Variants in CNTNAP2 observed in about 807,000 individuals in gnomAD.
The protein encoded by CNTNAP2 is contactin-associated protein-like 2.
CNTNAP2 carries 98 observed loss-of-function variants against 155.2 expected under a neutral mutation model. The ratio of observed to expected loss-of-function variants is 0.63; its 90% CI spans 0.54 to 0.75. The LOEUF is 0.75. CNTNAP2 is among the 30% of genes least tolerant of loss of function. The probability of loss-of-function intolerance (pLI) is 0.00; values close to 1 mark genes in which losing one functional copy is unlikely to be tolerated. For synonymous variants in CNTNAP2, 651 were observed against 631.2 expected (o/e 1.03, Z -0.47); for missense variants, 1,727 against 1,688.1 (o/e 1.02, Z -0.40).
chr7:146,869,393 C>A (rs2129206894), intron 3 of CNTNAP2, among the ~76,000 whole-genome samples: 1 of 152,200 alleles, frequency 6.6e-6, no homozygotes, highest in South Asian at 2.1e-4. Flanking sequence ...GGTAGATTCG[C>A]TTTTTGATGT....
At chr7:148,266,602 GTGTGTGTGTGTGTA>G (rs1347561365) in intron 20 of CNTNAP2, among the ~76,000 whole-genome samples, 8 of 90,894 alleles carry the variant, frequency 8.8e-5, no homozygotes, top group Non-Finnish European at 2.0e-4. Context: ...CAGCATTTGA[GTGTGTGTGTGTGTA>G]TGTGTGTGTG....
intron 13 of CNTNAP2, among the ~76,000 whole-genome samples, chr7:147,872,308 CA>C (rs1799340284): frequency 6.6e-6 from 1 of 152,212 alleles, no homozygotes; most frequent in Non-Finnish European, 1.5e-5. Flanking sequence ...TTGAAGCCCA[CA>C]AGCACCAATT....
At position 147,286,500 on chromosome 7, in the gene CNTNAP2, A is replaced by G. The variant is rs150130522; in HGVS notation, c.1349-13641A>G. 2.3e-3 allele frequency among the ~76,000 whole-genome samples: 357 copies of G among 152,186 alleles called. 4 individuals are homozygous for G. The highest frequency in any genetic ancestry group is 7.9e-3 in the African/African-American group (329 of 41,554). On this transcript the variant is annotated intron_variant, in intron 8 of 23. Transcript: ENST00000361727. ...ATAAATGTTTAAATAGAAAAAACGGAACGTAAGAAAAATAATCTGAAAAGC... is the reference window on the plus strand; with the variant it reads ...ATAAATGTTTAAATAGAAAAAACGGGACGTAAGAAAAATAATCTGAAAAGC...
intron 10 of CNTNAP2, among the ~76,000 whole-genome samples, chr7:147,448,484 G>GTATATATATATATATATATATATA (rs10683190): frequency 6.3e-5 from 9 of 143,414 alleles, no homozygotes; most frequent in African/African-American, 1.8e-4. Flanking sequence ...GTGTGTGTGT[G>GTATATATATATATATATATATATA]TATATATATA....
chr7:147,438,684 A>G (rs887124680), intron 10 of CNTNAP2, among the ~76,000 whole-genome samples: 7 of 151,808 alleles, frequency 4.6e-5, no homozygotes, highest in Admixed American at 1.3e-4. Context: ...TTCATTACAT[A>G]TTTGGTAGAA....
chr7:147,559,651 G>A (rs1800021081), intron 11 of CNTNAP2, among the ~76,000 whole-genome samples: 1 of 152,126 alleles, frequency 6.6e-6, no homozygotes, highest in Non-Finnish European at 1.5e-5. Context: ...GGTTTCAATG[G>A]CAGATTGGAC....
intron 4 of CNTNAP2, among the ~76,000 whole-genome samples, chr7:147,083,494 C>T: frequency 6.8e-6 from 1 of 146,808 alleles, no homozygotes; most frequent in South Asian, 2.1e-4. Flanking sequence ...AAGACTAACT[C>T]GTTTTCAGGT....
chr7:147,176,004 G>T (rs1802330816), intron 8 of CNTNAP2, among the ~76,000 whole-genome samples: 1 of 152,128 alleles, frequency 6.6e-6, no homozygotes, highest in Non-Finnish European at 1.5e-5. Flanking sequence ...AGTAAAGAAG[G>T]ACATTTTGTG....
chr7:146,623,593 C>T (rs1799370333), intron 1 of CNTNAP2, among the ~76,000 whole-genome samples: 1 of 152,084 alleles, frequency 6.6e-6, no homozygotes, highest in African/African-American at 2.4e-5. Context: ...CTTTGCATGG[C>T]TTTTAGCTTA....
intron 10 of CNTNAP2, among the ~76,000 whole-genome samples, chr7:147,407,148 C>G (rs1797018112): frequency 6.6e-6 from 1 of 152,074 alleles, no homozygotes; most frequent in African/African-American, 2.4e-5. Context: ...GAGAAATTTT[C>G]AAGTGGCACT....
At chr7:148,056,193 T>C (rs1803004601) in intron 15 of CNTNAP2, among the ~76,000 whole-genome samples, 1 of 152,180 alleles carries the variant, frequency 6.6e-6, no homozygotes, top group African/African-American at 2.4e-5. Context: ...AATTTAAACA[T>C]TGTGGGCAAT....
chr7:148,164,575 G>A (rs62471732), intron 17 of CNTNAP2, among the ~76,000 whole-genome samples: 16,380 of 145,708 alleles, frequency 0.11, 985 homozygotes, highest in East Asian at 0.25. Context: ...AGATAGCAAC[G>A]ACACCCATCC....
chr7:147,690,347 A>G (rs997613343), intron 13 of CNTNAP2, among the ~76,000 whole-genome samples: 5 of 152,092 alleles, frequency 3.3e-5, no homozygotes, highest in African/African-American at 1.2e-4. Context: ...TTTAAAACCA[A>G]ACAGGTTTCT....
chr7:146,297,412 A>G (rs1022044264), intron 1 of CNTNAP2, among the ~76,000 whole-genome samples: 1 of 152,138 alleles, frequency 6.6e-6, no homozygotes, highest in African/African-American at 2.4e-5. Flanking sequence ...ACAGAAAGAG[A>G]AAAGGAAGAA....
intron 2 of CNTNAP2, among the ~76,000 whole-genome samples, chr7:146,789,950 A>G (rs1324651287): frequency 6.6e-6 from 1 of 151,366 alleles, no homozygotes; most frequent in Admixed American, 6.6e-5. Flanking sequence ...ATCTGGCATC[A>G]ATAATAACAA....
At chr7:147,628,424 A>C in intron 12 of CNTNAP2, among the ~76,000 whole-genome samples, 1 of 152,168 alleles carries the variant, frequency 6.6e-6, no homozygotes, top group East Asian at 1.9e-4. Flanking sequence ...TTTCAGACAA[A>C]CAAATGCTGA....
intron 21 of CNTNAP2, among the ~76,000 whole-genome samples, chr7:148,360,967 C>T (rs1798608743): frequency 6.6e-6 from 1 of 152,042 alleles, no homozygotes; most frequent in Admixed American, 6.5e-5. Context: ...CACCACCATA[C>T]CCAGCTAATT....
chr7:146,210,204 A>T (rs1229679454), intron 1 of CNTNAP2, among the ~76,000 whole-genome samples: 1 of 152,128 alleles, frequency 6.6e-6, no homozygotes, highest in African/African-American at 2.4e-5. Flanking sequence ...AAATTTGCTC[A>T]TTCTGCAGCC....
chr7:146,904,354 C>A (rs1225803833), intron 3 of CNTNAP2, among the ~76,000 whole-genome samples: 1 of 152,188 alleles, frequency 6.6e-6, no homozygotes, highest in Non-Finnish European at 1.5e-5. Context: ...TACTCGGTCC[C>A]TGTAATCTCG....
Sources: gnomAD v4.1 joint callset for allele counts (sites outside exome capture counted in the v4.1 genomes callset) on GRCh38, gnomAD v4.1.1 for gene constraint, MANE v1.5 for transcripts, NCBI Gene and HGNC (gene_info 2026-07-23, HGNC 2026-07-21) for gene names.